The following ACVR1 variants were observed in gnomAD, a reference collection of about 807,000 sequenced individuals.
ACVR1 encodes activin A receptor type 1.
ACVR1 carries 38 observed loss-of-function variants against 57.1 expected under a neutral mutation model. The ratio of observed to expected loss-of-function variants is 0.67; its 90% CI spans 0.51 to 0.87. The LOEUF is 0.87. Among genes scored for constraint, ACVR1 ranks in the 40% least tolerant of loss-of-function variants. The probability of loss-of-function intolerance (pLI) is 0.00; values close to 1 mark genes in which losing one functional copy is unlikely to be tolerated. For synonymous variants in ACVR1, 212 were observed against 228.1 expected, an observed-to-expected ratio of 0.93 and a Z score of 0.63; for missense variants, 463 against 638.2, an observed-to-expected ratio of 0.73 and a Z score of 2.96.
intron 9 of ACVR1, among the ~76,000 whole-genome samples, chr2:157,747,388 CA>C (rs1398774020): frequency 6.6e-6 from 1 of 151,760 alleles, no homozygotes; most frequent in African/African-American, 2.4e-5. Flanking sequence ...ATCATGTGCA[CA>C]AAAATGTCTA....
rs889502354 is a variant in ACVR1 at position 157,780,749 on chromosome 2, G to C, written c.68-149C>G. Reference sequence around the variant, plus strand: ...CCATCAACCATGAGGTCCACATTCTGTCACCTTGTCACCTAACCAACCAAC... The same window carrying C: ...CCATCAACCATGAGGTCCACATTCTCTCACCTTGTCACCTAACCAACCAAC... On this transcript the variant is annotated intron_variant, in intron 3 of 10. Coordinates refer to ENST00000434821, the MANE Select transcript of ACVR1 (RefSeq NM_001111067.4). 7 of 875,636 alleles carry C rather than the reference G, an allele frequency of 8.0e-6. No homozygotes were observed. The East Asian group carries it at 1.3e-4, about 17-fold the overall frequency. 54.2% of individuals were successfully genotyped at this position (875,636 alleles called of 1,614,324 possible).
chr2:157,794,517 A>C (rs754430501), intron 3 of ACVR1, among the ~76,000 whole-genome samples: 19 of 150,374 alleles, frequency 1.3e-4, no homozygotes, highest in Non-Finnish European at 2.5e-4. Context: ...AATTTAGGGC[A>C]AAAAAAAATG....
intron 9 of ACVR1, among the ~76,000 whole-genome samples, chr2:157,742,359 G>T (rs1684806084): frequency 2.0e-5 from 3 of 152,184 alleles, no homozygotes; most frequent in Admixed American, 1.3e-4. Flanking sequence ...GACACAGGAA[G>T]GCAGGGGAAG....
intron 1 of ACVR1, among the ~76,000 whole-genome samples, chr2:157,858,470 T>C (rs1689610957): frequency 6.6e-6 from 1 of 152,166 alleles, no homozygotes; most frequent in African/African-American, 2.4e-5. Flanking sequence ...TTGTTTTTCT[T>C]CTTTTTATTT....
At chr2:157,755,998 A>G (rs1331146157) in intron 9 of ACVR1, among the ~76,000 whole-genome samples, 2 of 152,274 alleles carry the variant, frequency 1.3e-5, no homozygotes, top group South Asian at 2.1e-4. Flanking sequence ...TAGAGAACCC[A>G]GAAATAAACC....
intron 6 of ACVR1, among the ~76,000 whole-genome samples, chr2:157,770,984 T>C (rs983070442): frequency 5.9e-5 from 9 of 152,236 alleles, no homozygotes; most frequent in Non-Finnish European, 1.5e-5. Context: ...ACATAGGCAC[T>C]GTCCAAATTG....
intron 8 of ACVR1, among the ~76,000 whole-genome samples, chr2:157,761,505 T>C (rs1056038897): frequency 1.3e-5 from 2 of 152,186 alleles, no homozygotes; most frequent in Non-Finnish European, 2.9e-5. Context: ...CAGTGTGAGA[T>C]AGAGCATTTA....
At chr2:157,818,011 A>G (rs547349111) in intron 2 of ACVR1, among the ~76,000 whole-genome samples, 2 of 151,818 alleles carry the variant, frequency 1.3e-5, no homozygotes, top group African/African-American at 4.8e-5. Flanking sequence ...CAAAAAAAAA[A>G]AAAACAAAAG....
At chr2:157,805,098 C>A (rs1311751349) in intron 2 of ACVR1, among the ~76,000 whole-genome samples, 1 of 152,154 alleles carries the variant, frequency 6.6e-6, no homozygotes, top group Non-Finnish European at 1.5e-5. Context: ...ATCAGGCAAT[C>A]TAAGTGCTAA....
chr2:157,869,688 C>T (rs1018103295), intron 1 of ACVR1, among the ~76,000 whole-genome samples: 7 of 152,144 alleles, frequency 4.6e-5, no homozygotes, highest in African/African-American at 1.7e-4. Context: ...GTAATCTCTG[C>T]TGACTGAGCT....
chr2:157,864,218 T>A (rs1036553637), intron 1 of ACVR1, among the ~76,000 whole-genome samples: 1 of 151,384 alleles, frequency 6.6e-6, no homozygotes, highest in Admixed American at 6.6e-5. Flanking sequence ...AAATTTATAT[T>A]ATTTTTTTTT....
intron 1 of ACVR1, among the ~76,000 whole-genome samples, chr2:157,868,309 C>T (rs1690008536): frequency 6.6e-6 from 1 of 151,642 alleles, no homozygotes; most frequent in Admixed American, 6.6e-5. Flanking sequence ...ATGGTGAAAC[C>T]CCATCTCTAC....
At chr2:157,853,960 G>C (rs550272833) in intron 1 of ACVR1, among the ~76,000 whole-genome samples, 4 of 152,138 alleles carry the variant, frequency 2.6e-5, no homozygotes, top group Non-Finnish European at 5.9e-5. Context: ...CCCTAACGCA[G>C]GTTAAGTTTC....
chr2:157,870,141 C>G (rs1449505793), intron 1 of ACVR1, among the ~76,000 whole-genome samples: 2 of 152,322 alleles, frequency 1.3e-5, no homozygotes, highest in East Asian at 3.9e-4. Context: ...TCAAGTTCTT[C>G]TTATTGCACA....
At chr2:157,793,277 T>C (rs116592208) in intron 3 of ACVR1, among the ~76,000 whole-genome samples, 3,239 of 152,238 alleles carry the variant, frequency 0.021, 123 homozygotes, top group African/African-American at 0.073. Flanking sequence ...TGTTCAATAT[T>C]TGACTTTCTT....
chr2:157,740,652 G>A lies in ACVR1; in HGVS notation c.1265-2082C>T, dbSNP rs1391970868. On this transcript the variant is annotated intron_variant, in intron 9 of 10. Transcript: ENST00000434821. ...TAGAAAGGGTTATGTGAATGTGAAC[G>A]GTAATACAAAGTTGAAGTTTTCTAT... Among the ~76,000 whole-genome samples the A allele has an allele frequency of 2.0e-5, 3 of 152,274 alleles. No individual in the cohort carries two copies. The East Asian group carries it at 5.8e-4, about 29-fold the overall frequency.
intron 1 of ACVR1, among the ~76,000 whole-genome samples, chr2:157,866,324 A>G (rs1234252683): frequency 1.3e-5 from 2 of 152,140 alleles, no homozygotes; most frequent in African/African-American, 4.8e-5. Context: ...GTCCTAAAAC[A>G]ATAAGACTTT....
chr2:157,741,554 G>C (rs1309276783), intron 9 of ACVR1, among the ~76,000 whole-genome samples: 1 of 151,930 alleles, frequency 6.6e-6, no homozygotes, highest in African/African-American at 2.4e-5. Flanking sequence ...GAACCCAGGA[G>C]GCGTAGGTTG....
intron 1 of ACVR1, among the ~76,000 whole-genome samples, chr2:157,855,408 G>T (rs1411240675): frequency 3.3e-5 from 5 of 150,302 alleles, no homozygotes; most frequent in African/African-American, 1.2e-4. Flanking sequence ...GCTGACATGG[G>T]AGGATCACTT....
Sources: allele counts gnomAD v4.1 joint callset (sites outside exome capture counted in the v4.1 genomes callset), GRCh38; gene constraint gnomAD v4.1.1; transcripts MANE v1.5; gene names NCBI Gene and HGNC (gene_info 2026-07-23, HGNC 2026-07-21).